Variants in HMGCLL1 observed in about 807,000 individuals in gnomAD.
HMGCLL1 encodes the protein 3-hydroxy-3-methylglutaryl-CoA lyase like 1, also known as 3-hydroxymethyl-3-methylglutaryl-CoA lyase, cytoplasmic.
HMGCLL1 carries 36 observed loss-of-function variants against 39.1 expected under a neutral mutation model. That is an observed-to-expected ratio of 0.92 (90% CI 0.71 to 1.22). HMGCLL1 has a LOEUF of 1.22. Among genes scored for constraint, HMGCLL1 ranks in the 50% most tolerant of loss-of-function variants. HMGCLL1 has a pLI of 0.00. For synonymous variants in HMGCLL1, 149 were observed against 144.0 expected (o/e 1.03, Z -0.25); for missense variants, 451 against 416.5 (o/e 1.08, Z -0.72).
chr6:55,641,754 A>G, the HMGCLL1 span, among the ~76,000 whole-genome samples: 1 of 151,894 alleles, frequency 6.6e-6, no homozygotes, highest in Admixed American at 6.6e-5. Flanking sequence ...AAGGGAAGAA[A>G]ATCAAATCTG....
chr6:55,450,540 A>G (rs1293583763), intron 7 of HMGCLL1, among the ~76,000 whole-genome samples: 1 of 152,244 alleles, frequency 6.6e-6, no homozygotes, highest in Admixed American at 6.5e-5. Context: ...AGGTTGGCAC[A>G]TAGCAAAATG....
At chr6:55,559,218 A>G (rs768424183) in intron 1 of HMGCLL1, among the ~76,000 whole-genome samples, 1 of 152,208 alleles carries the variant, frequency 6.6e-6, no homozygotes, top group Non-Finnish European at 1.5e-5. Flanking sequence ...CCTAAGTTTT[A>G]GTGTAGAGCA....
At chr6:55,530,269 A>G (rs1174595715) in intron 3 of HMGCLL1, among the ~76,000 whole-genome samples, 1 of 152,116 alleles carries the variant, frequency 6.6e-6, no homozygotes, top group African/African-American at 2.4e-5. Flanking sequence ...ATTAGCATGA[A>G]TTTGCTTCAA....
intron 5 of HMGCLL1, among the ~76,000 whole-genome samples, chr6:55,501,046 G>A (rs1766853268): frequency 6.6e-6 from 1 of 151,744 alleles, no homozygotes; most frequent in African/African-American, 2.4e-5. Flanking sequence ...TCTTTATGTG[G>A]GCATTTTTAT....
At chr6:55,662,079 G>A in the HMGCLL1 span, among the ~76,000 whole-genome samples, 1 of 151,878 alleles carries the variant, frequency 6.6e-6, no homozygotes, top group South Asian at 2.1e-4. Flanking sequence ...AGCTGAAGGA[G>A]CTTTGGGGTT....
intron 1 of HMGCLL1, among the ~76,000 whole-genome samples, chr6:55,553,022 A>G (rs1268558498): frequency 6.6e-6 from 1 of 151,606 alleles, no homozygotes; most frequent in Non-Finnish European, 1.5e-5. Flanking sequence ...ACGTGCCTGT[A>G]ATCCCAGCTA....
At chr6:55,656,739 G>T in the HMGCLL1 span, among the ~76,000 whole-genome samples, 1 of 151,930 alleles carries the variant, frequency 6.6e-6, no homozygotes, top group Non-Finnish European at 1.5e-5. Flanking sequence ...CCTAAAGCAA[G>T]CAGTTTATCC....
chr6:55,574,335 T>C (rs1371574168), intron 1 of HMGCLL1, among the ~76,000 whole-genome samples: 1 of 151,898 alleles, frequency 6.6e-6, no homozygotes, highest in African/African-American at 2.4e-5. Flanking sequence ...TGTATGCATA[T>C]GTATTGTAAA....
intron 7 of HMGCLL1, among the ~76,000 whole-genome samples, chr6:55,493,361 T>C (rs1225867961): frequency 1.3e-5 from 2 of 152,144 alleles, no homozygotes; most frequent in Non-Finnish European, 2.9e-5. Flanking sequence ...GGGGGTGTGG[T>C]CTTTTGGGGA....
intron 1 of HMGCLL1, among the ~76,000 whole-genome samples, chr6:55,548,793 A>C (rs78292980): frequency 0.029 from 4,436 of 150,418 alleles, 256 homozygotes; most frequent in African/African-American, 0.1. Context: ...AATATTAAGT[A>C]ATAGAGAAAA....
intron 5 of HMGCLL1, among the ~76,000 whole-genome samples, chr6:55,511,920 C>G (rs1408556163): frequency 3.9e-5 from 6 of 152,000 alleles, no homozygotes; most frequent in Admixed American, 3.3e-4. Context: ...ATACATTTGT[C>G]TATAATTCTA....
chr6:55,528,143 C>A (rs1487008849), intron 3 of HMGCLL1, among the ~76,000 whole-genome samples: 1 of 152,042 alleles, frequency 6.6e-6, no homozygotes, highest in Non-Finnish European at 1.5e-5. Context: ...TATTCATTAT[C>A]TCTTCAAAAT....
chr6:55,535,050 A>G (rs1003444903), intron 3 of HMGCLL1, among the ~76,000 whole-genome samples: 3 of 152,208 alleles, frequency 2.0e-5, no homozygotes, highest in African/African-American at 7.2e-5. Context: ...AAGAGCTAAC[A>G]TATTTTATCT....
intron 7 of HMGCLL1, among the ~76,000 whole-genome samples, chr6:55,441,936 C>T (rs1272276483): frequency 6.6e-6 from 1 of 152,048 alleles, no homozygotes; most frequent in African/African-American, 2.4e-5. Context: ...AGTGATCCCC[C>T]CTCCTCAGCC....
chr6:55,650,082 C>CATAT, the HMGCLL1 span, among the ~76,000 whole-genome samples: 309 of 73,394 alleles, frequency 4.2e-3, 3 homozygotes, highest in Non-Finnish European at 6.0e-3. Flanking sequence ...TATATACACA[C>CATAT]ACATATACAT....
chr6:55,519,884 C>T (rs1168002382), intron 3 of HMGCLL1, among the ~76,000 whole-genome samples: 2 of 151,756 alleles, frequency 1.3e-5, no homozygotes, highest in Non-Finnish European at 2.9e-5. Context: ...ATAATCTTGG[C>T]CTATATTTAA....
the HMGCLL1 span, among the ~76,000 whole-genome samples, chr6:55,666,387 T>C: frequency 6.6e-6 from 1 of 151,710 alleles, no homozygotes; most frequent in African/African-American, 2.4e-5. Flanking sequence ...AATCAGTTAC[T>C]GTACTTTGTG....
At chr6:55,662,240 A>G in the HMGCLL1 span, among the ~76,000 whole-genome samples, 4 of 151,786 alleles carry the variant, frequency 2.6e-5, no homozygotes. Flanking sequence ...AGGTGTACTA[A>G]GAGAGGGCAT....
At chr6:55,515,429 T>G (rs1767686228) in intron 4 of HMGCLL1, among the ~76,000 whole-genome samples, 2 of 152,200 alleles carry the variant, frequency 1.3e-5, no homozygotes, top group Admixed American at 1.3e-4. Context: ...TTTAGTACTA[T>G]GGATGTGCTT....
Sources: gnomAD v4.1 joint callset for allele counts (sites outside exome capture counted in the v4.1 genomes callset) on GRCh38, gnomAD v4.1.1 for gene constraint, MANE v1.5 for transcripts, NCBI Gene and HGNC (gene_info 2026-07-23, HGNC 2026-07-21) for gene names.